MET: variants seen among roughly 807,000 people sequenced by gnomAD.
The protein encoded by MET is MET proto-oncogene, receptor tyrosine kinase.
Under a neutral mutation model 133.1 loss-of-function variants are expected in MET, and 48 were observed. That is an observed-to-expected ratio of 0.36 (90% CI 0.29 to 0.46). The LOEUF (loss-of-function observed/expected upper bound fraction) is 0.46. Ranked by LOEUF, MET falls within the 20% of genes least tolerant of loss-of-function variation. The probability of loss-of-function intolerance (pLI) is 1.00; values close to 1 mark genes in which losing one functional copy is unlikely to be tolerated. For synonymous variants in MET, 628 were observed against 616.5 expected, an observed-to-expected ratio of 1.02 and a Z score of -0.28; for missense variants, 1,442 against 1,695.9, an observed-to-expected ratio of 0.85 and a Z score of 2.63.
chr7:116,763,160 G>A lies in MET; in HGVS notation c.2475G>A (p.Gly825=), dbSNP rs891908277. The A allele has an allele frequency of 6.2e-7, 1 of 1,613,962 alleles. No individual in the cohort carries two copies. Among genetic ancestry groups the A allele is most frequent in the East Asian group, 2.2e-5 (1 of 44,868 alleles). ...CCAAAGCCTTTTTCATGTTAGATGGGATCCTTTCCAAATACTTTGATCTCA... is the reference window on the plus strand; with the variant it reads ...CCAAAGCCTTTTTCATGTTAGATGGAATCCTTTCCAAATACTTTGATCTCA... ...LKTKAFFMLD[G]ILSKYFDLIY... is the part of the protein sequence containing the mutation. Residue 825 remains glycine, a synonymous_variant, in exon 11 of 21, where the codon GGG becomes GGA. Coordinates refer to ENST00000397752, the MANE Select transcript of MET (RefSeq NM_000245.4).
At chr7:116,777,547 A>G in intron 16 of MET, 78 bp downstream of exon 16, 1 of 1,348,322 alleles carries the variant, frequency 7.4e-7, no homozygotes, top group Non-Finnish European at 1.1e-6. Flanking sequence ...TAAAACGTTG[A>G]TTTACACTTT....
chr7:116,752,874 GCCT>G (rs2116892722), intron 5 of MET, among the ~76,000 whole-genome samples: 1 of 152,302 alleles, frequency 6.6e-6, no homozygotes, highest in African/African-American at 2.4e-5. Context: ...CAGTGGGGAA[GCCT>G]CCTCATTAGA....
intron 11 of MET, among the ~76,000 whole-genome samples, chr7:116,769,030 T>C (rs1794739647): frequency 6.6e-6 from 1 of 152,226 alleles, no homozygotes; most frequent in Admixed American, 6.5e-5. Flanking sequence ...AAATTTCTTT[T>C]AAAATGAATT....
At chr7:116,737,659 T>C (rs1206012846) in intron 3 of MET, among the ~76,000 whole-genome samples, 1 of 152,192 alleles carries the variant, frequency 6.6e-6, no homozygotes, top group Admixed American at 6.5e-5. Context: ...TTTAAAGCAC[T>C]TGGCACAATA....
intron 2 of MET, among the ~76,000 whole-genome samples, chr7:116,725,489 C>G (rs1006198410): frequency 7.5e-6 from 1 of 134,028 alleles, no homozygotes; most frequent in African/African-American, 2.5e-5. Context: ...TATATATACA[C>G]ACACACAAAA....
rs56197157 is a variant in MET at position 116,755,052 on chromosome 7, A to C, written c.1702-303A>C. Among the ~76,000 whole-genome samples, 7 of 152,074 alleles carry C rather than the reference A, an allele frequency of 4.6e-5. No homozygotes were observed. In the East Asian group the frequency reaches 5.8e-4, roughly 13 times the overall value. ...AGAAAGAAAGAAAGAAAAGAAAGAA[A>C]GAACGGAAGGACTCGAAAAGCCCCT... On this transcript the variant is annotated intron_variant, in intron 5 of 20. Coordinates refer to ENST00000397752, the MANE Select transcript of MET (RefSeq NM_000245.4).
chr7:116,772,871 T>C (rs1271932503), intron 14 of MET, among the ~76,000 whole-genome samples: 3 of 152,214 alleles, frequency 2.0e-5, no homozygotes, highest in African/African-American at 7.2e-5. Flanking sequence ...ATACACATAG[T>C]AAACATTGTC....
chr7:116,680,670 A>G (rs966210004), intron 1 of MET, among the ~76,000 whole-genome samples: 1 of 152,194 alleles, frequency 6.6e-6, no homozygotes, highest in African/African-American at 2.4e-5. Context: ...GGCCAGGCAC[A>G]GTGGCTCACG....
At position 116,778,909 on chromosome 7, in the gene MET, A is replaced by G. The variant is rs200659843; in HGVS notation, c.3474A>G (p.Pro1158=). ...RSEGSPLVVL[P]YMKHGDLRNF... ...AAGGGTCTCCGCTGGTGGTCCTACCATACATGAAACATGGAGATCTTCGAA... is the reference window on the plus strand; with the variant it reads ...AAGGGTCTCCGCTGGTGGTCCTACCGTACATGAAACATGGAGATCTTCGAA... The change falls in exon 17 of 21, where the codon CCA becomes CCG. Residue 1158 remains proline (P), a synonymous_variant. Coordinates refer to ENST00000397752, the MANE Select transcript of MET (RefSeq NM_000245.4). The G allele has an allele frequency of 1.3e-5, 21 of 1,613,934 alleles. No individual in the cohort carries two copies. In the Middle Eastern group the frequency reaches 9.9e-4, roughly 76 times the overall value.
chr7:116,714,029 A>C (rs1324228638), intron 2 of MET, among the ~76,000 whole-genome samples: 2 of 152,228 alleles, frequency 1.3e-5, no homozygotes, highest in Non-Finnish European at 2.9e-5. Context: ...AGTAGAGGAA[A>C]GCAGAAAACC....
rs1047996544 is a variant in MET, at chr7:116,797,788, C to T, written c.*1664C>T. On this transcript the variant is annotated 3_prime_UTR_variant, in exon 21 of 21. Coordinates refer to ENST00000397752, the MANE Select transcript of MET (RefSeq NM_000245.4). ...TAAGGAAATGTACTGATTGCCAATA[C>T]ACCCCACCCTCATTACATCATCAGG... The T allele has an allele frequency of 1.3e-5, 3 of 226,312 alleles. No homozygotes were observed. The highest frequency in any genetic ancestry group is 6.7e-5 in the African/African-American group (3 of 44,930). The allele number at this position is 226,312 out of a possible 1,614,324, so 14.0% of individuals were successfully genotyped here. A position where few individuals can be genotyped will look rare whatever the true frequency, so the allele number is the denominator to read the frequency against.
intron 16 of MET, 56 bp downstream of exon 16, chr7:116,777,525 A>G (rs1795033266): frequency 3.4e-6 from 5 of 1,466,300 alleles, no homozygotes; most frequent in Non-Finnish European, 1.9e-6. Context: ...CAACCTAATA[A>G]ATAGCTTATA....
intron 1 of MET, among the ~76,000 whole-genome samples, chr7:116,693,681 T>G (rs1229128530): frequency 6.6e-6 from 1 of 152,200 alleles, no homozygotes; most frequent in Non-Finnish European, 1.5e-5. Context: ...ATTTCTACAT[T>G]GAGTTTAAAC....
intron 10 of MET, among the ~76,000 whole-genome samples, chr7:116,761,180 A>C (rs1303977348): frequency 6.6e-6 from 1 of 152,200 alleles, no homozygotes; most frequent in Admixed American, 6.5e-5. Flanking sequence ...GGTGTCACAC[A>C]TGAGAGTTAC....
At chr7:116,690,144 G>C (rs1478014787) in intron 1 of MET, among the ~76,000 whole-genome samples, 2 of 152,108 alleles carry the variant, frequency 1.3e-5, no homozygotes, top group Admixed American at 6.5e-5. Context: ...TTTTTTATGA[G>C]GGCAGGCAAA....
intron 1 of MET, among the ~76,000 whole-genome samples, chr7:116,682,578 T>C (rs574900373): frequency 6.6e-6 from 1 of 152,336 alleles, no homozygotes; most frequent in South Asian, 2.1e-4. Context: ...AATTTACCAC[T>C]GAGTTCATAA....
chr7:116,697,040 T>A (rs1796988818), intron 1 of MET, among the ~76,000 whole-genome samples: 1 of 152,202 alleles, frequency 6.6e-6, no homozygotes, highest in Non-Finnish European at 1.5e-5. Context: ...CTGCTAGTCA[T>A]CCTTATAGGA....
Position 116,740,944 on chromosome 7 carries a change from G to C in MET, c.1620G>C (p.Trp540Cys), listed in dbSNP as rs2116836070. ...CCCCACCCTTTGTTCAGTGTGGCTGGTGCCACGACAAATGTGTGCGATCGG... is the reference window on the plus strand; with the variant it reads ...CCCCACCCTTTGTTCAGTGTGGCTGCTGCCACGACAAATGTGTGCGATCGG... ...LSAPPFVQCG[W>C]CHDKCVRSEE... The change falls in exon 5 of 21, where the codon TGG becomes TGC. Residue 540 changes from tryptophan to cysteine, a missense_variant. This residue lies in a region of MET where 762 missense variants were observed against 792.4 expected (regional missense o/e 0.96). Transcript: ENST00000397752. The C allele has an allele frequency of 6.2e-7, 1 of 1,614,128 alleles. No homozygotes were observed. Among genetic ancestry groups the C allele is most frequent in the Non-Finnish European group, 8.5e-7 (1 of 1,180,030 alleles).
rs1214651018 is a variant in MET, at chr7:116,795,953, G to T, written c.4002G>T (p.Val1334=). Residue 1334 remains valine, a synonymous_variant, in exon 21 of 21, where the codon GTG becomes GTT. Transcript: ENST00000397752. ...AEMRPSFSEL[V]SRISAIFSTF... ...TGCGCCCATCCTTTTCTGAACTGGT[G>T]TCCCGGATATCAGCGATCTTCTCTA... The T allele has an allele frequency of 4.3e-6, 7 of 1,614,140 alleles. No individual in the cohort carries two copies. The highest frequency in any genetic ancestry group is 5.9e-6 in the Non-Finnish European group (7 of 1,180,012).
Sources: gnomAD v4.1 joint callset for allele counts (sites outside exome capture counted in the v4.1 genomes callset) on GRCh38, gnomAD v4.1.1 for gene constraint, gnomAD v4.1.1 regional missense constraint, MANE v1.5 for transcripts, NCBI Gene and HGNC (gene_info 2026-07-23, HGNC 2026-07-21) for gene names.